Variants in ZNF704 observed in about 807,000 individuals in gnomAD.
The protein encoded by ZNF704 is zinc finger protein 704.
Under a neutral mutation model 44.7 loss-of-function variants are expected in ZNF704, and 10 were observed. The observed-to-expected ratio is 0.22, with a 90% CI of 0.14 to 0.38. ZNF704 has a LOEUF of 0.38. ZNF704 is among the 10% of genes least tolerant of loss of function. The probability of loss-of-function intolerance (pLI) is 1.00; values close to 1 mark genes in which losing one functional copy is unlikely to be tolerated. For missense variants in ZNF704, 390 were observed against 545.5 expected, an observed-to-expected ratio of 0.71 and a Z score of 2.84; for synonymous variants, 211 against 207.6, an observed-to-expected ratio of 1.02 and a Z score of -0.14.
intron 5 of ZNF704, among the ~76,000 whole-genome samples, chr8:80,667,736 T>C (rs922044875): frequency 2.0e-5 from 3 of 152,162 alleles, no homozygotes; most frequent in Non-Finnish European, 2.9e-5. Context: ...TGTGGCACAG[T>C]GATTAAGAGA....
rs1039757822 is a variant in ZNF704 at position 80,636,802 on chromosome 8, G to C, written c.*4564C>G. 6.6e-6 allele frequency: 1 copy of C among 152,156 alleles called. No individual in the cohort carries two copies. Among genetic ancestry groups the C allele is most frequent in the Non-Finnish European group, 1.5e-5 (1 of 68,028 alleles). The allele number at this position is 152,156 out of a possible 1,614,324, so 9.4% of individuals were successfully genotyped here. On this transcript the variant is annotated 3_prime_UTR_variant, in exon 9 of 9. Transcript: ENST00000327835. ...GGTCAGTGCTACAGAAGATGTGGTC[G>C]ATAGCAATTCTACAGGGTCATGAGA...
At chr8:80,691,861 C>G (rs1310457474) in intron 3 of ZNF704, among the ~76,000 whole-genome samples, 1 of 152,280 alleles carries the variant, frequency 6.6e-6, no homozygotes, top group Admixed American at 6.5e-5. Flanking sequence ...TCACCTGCCC[C>G]AGTGAATGTC....
chr8:80,706,109 T>A (rs888292522), intron 2 of ZNF704, among the ~76,000 whole-genome samples: 1 of 152,212 alleles, frequency 6.6e-6, no homozygotes, highest in Non-Finnish European at 1.5e-5. Flanking sequence ...AGAAGAAAAC[T>A]AATCAAAGTT....
intron 1 of ZNF704, among the ~76,000 whole-genome samples, chr8:80,835,783 G>T (rs1808548854): frequency 6.6e-6 from 1 of 152,080 alleles, no homozygotes; most frequent in Admixed American, 6.6e-5. Context: ...TTAACTTCAG[G>T]ATACAGAATT....
At chr8:80,792,111 GGTAGAA>G (rs1460900070) in intron 2 of ZNF704, among the ~76,000 whole-genome samples, 1 of 152,122 alleles carries the variant, frequency 6.6e-6, no homozygotes, top group East Asian at 1.9e-4. Flanking sequence ...AAAGGCAGTG[GGTAGAA>G]GTTCTGGAAG....
intron 1 of ZNF704, among the ~76,000 whole-genome samples, chr8:80,863,308 C>A (rs1809100573): frequency 6.6e-6 from 1 of 152,158 alleles, no homozygotes; most frequent in Non-Finnish European, 1.5e-5. Context: ...AAAGCATGCA[C>A]AAACTACATG....
At chr8:80,732,807 T>G (rs969137855) in intron 2 of ZNF704, among the ~76,000 whole-genome samples, 2 of 151,954 alleles carry the variant, frequency 1.3e-5, no homozygotes, top group Admixed American at 6.6e-5. Flanking sequence ...AATACAAAAA[T>G]TAGCCGGGCG....
At chr8:80,811,741 T>A (rs1238913616) in intron 2 of ZNF704, among the ~76,000 whole-genome samples, 1 of 152,180 alleles carries the variant, frequency 6.6e-6, no homozygotes, top group Non-Finnish European at 1.5e-5. Context: ...GAGTGAATTG[T>A]GTACAAGGGG....
At chr8:80,673,269 C>T (rs1337987044) in intron 4 of ZNF704, 1 of 152,204 alleles carries the variant, frequency 6.6e-6, no homozygotes, top group Non-Finnish European at 1.5e-5. Flanking sequence ...ATTTGGGGAT[C>T]TGTGGATTCC....
intron 2 of ZNF704, among the ~76,000 whole-genome samples, chr8:80,713,000 A>C (rs147137748): frequency 0.026 from 3,984 of 151,674 alleles, 84 homozygotes; most frequent in Non-Finnish European, 0.037. Flanking sequence ...GGTTCAAGGG[A>C]TTCTCCTGCC....
chr8:80,797,735 A>G (rs1807830503), intron 2 of ZNF704, among the ~76,000 whole-genome samples: 1 of 152,094 alleles, frequency 6.6e-6, no homozygotes, highest in African/African-American at 2.4e-5. Context: ...AGCTTCAAAG[A>G]TATCTAAAAT....
chr8:80,724,157 T>C (rs1028477667), intron 2 of ZNF704, among the ~76,000 whole-genome samples: 1 of 152,210 alleles, frequency 6.6e-6, no homozygotes, highest in East Asian at 1.9e-4. Context: ...TATTTTTTCT[T>C]CTATGCAATT....
intron 2 of ZNF704, 25 bp downstream of exon 2, chr8:80,821,349 C>T (rs780142852): frequency 6.2e-7 from 1 of 1,607,320 alleles, no homozygotes; most frequent in Non-Finnish European, 8.5e-7. Context: ...GGGGCAGACA[C>T]ATGTGAGATT....
intron 1 of ZNF704, among the ~76,000 whole-genome samples, chr8:80,867,740 A>G (rs1488138638): frequency 6.6e-6 from 1 of 152,220 alleles, no homozygotes; most frequent in Non-Finnish European, 1.5e-5. Context: ...AAGGCTTCTT[A>G]AAGTCATCTG....
At chr8:80,713,047 C>G (rs1465214119) in intron 2 of ZNF704, among the ~76,000 whole-genome samples, 1 of 151,966 alleles carries the variant, frequency 6.6e-6, no homozygotes, top group Non-Finnish European at 1.5e-5. Flanking sequence ...AGGCACCCAC[C>G]ACCATGCCCG....
At chr8:80,838,214 G>A (rs907918349) in intron 1 of ZNF704, among the ~76,000 whole-genome samples, 4 of 152,110 alleles carry the variant, frequency 2.6e-5, no homozygotes, top group Admixed American at 6.5e-5. Context: ...CATTGCAGCT[G>A]GCCTGGGAAT....
intron 1 of ZNF704, among the ~76,000 whole-genome samples, chr8:80,847,992 C>G (rs891939099): frequency 6.6e-6 from 1 of 152,200 alleles, no homozygotes; most frequent in Admixed American, 6.5e-5. Flanking sequence ...ATGTTCATCA[C>G]AGCTTTATTC....
chr8:80,687,329 T>TC lies in ZNF704; in HGVS notation c.454dup (p.Asp152GlyfsTer75). The TC allele has an allele frequency of 6.2e-7, 1 of 1,611,986 alleles. No individual in the cohort carries two copies. Reference sequence around the variant, plus strand: ...GGGGCTGCGGAAGGGCTTGAAGCTGTCAGCCGAGAGCGGCGGCGACGGCGT... The same window carrying TC: ...GGGGCTGCGGAAGGGCTTGAAGCTGTCCAGCCGAGAGCGGCGGCGACGGCGT... On this transcript the variant is annotated frameshift_variant, in exon 4 of 9. Transcript: ENST00000327835. LOFTEE classifies it high-confidence loss of function.
At position 80,641,441 on chromosome 8, in the gene ZNF704, C is replaced by T. The variant is rs766298941; in HGVS notation, c.1164G>A (p.Val388=). ...ACATGTCTCGGTTCTCCATCCCGTACACCTTCCGACACTTTTTGCCCTCTC... is the reference window on the plus strand; with the variant it reads ...ACATGTCTCGGTTCTCCATCCCGTATACCTTCCGACACTTTTTGCCCTCTC... The part of the protein sequence containing the change: ...PRGEGKKCRK[V]YGMENRDMWC... Residue 388 remains valine (V), a synonymous_variant, in exon 9 of 9, where the codon GTG becomes GTA. Coordinates refer to ENST00000327835, the MANE Select transcript of ZNF704 (RefSeq NM_001033723.3). 1.3e-5 allele frequency: 21 copies of T among 1,613,590 alleles called. No individual in the cohort carries two copies. The highest frequency in any genetic ancestry group is 2.2e-5 in the South Asian group (2 of 91,030).
Sources: gnomAD v4.1 joint callset for allele counts (sites outside exome capture counted in the v4.1 genomes callset) on GRCh38, gnomAD v4.1.1 for gene constraint, MANE v1.5 for transcripts, NCBI Gene and HGNC (gene_info 2026-07-23, HGNC 2026-07-21) for gene names.